CCDC169: variants seen among roughly 807,000 people sequenced by gnomAD.
The protein encoded by CCDC169 is coiled-coil domain containing 169.
In CCDC169, 30 loss-of-function variants were observed where a neutral mutation model predicts 36.0. The observed-to-expected ratio is 0.83, with a 90% CI of 0.62 to 1.13. The LOEUF (loss-of-function observed/expected upper bound fraction) is 1.13, where lower values mean the gene tolerates loss of function less well. CCDC169 is among the 50% of genes most tolerant of loss of function. CCDC169 has a pLI of 0.00. For missense variants in CCDC169, 245 were observed against 245.9 expected (o/e 1.00, Z 0.03); for synonymous variants, 85 against 81.5 (o/e 1.04, Z -0.23).
chr13:36,294,626 G>A lies in CCDC169; in HGVS notation c.163+1152C>T, dbSNP rs562055208. Among the ~76,000 whole-genome samples the A allele has an allele frequency of 1.1e-4, 16 of 152,232 alleles. No homozygotes were observed. The South Asian group carries it at 1.7e-3, about 16-fold the overall frequency. ...CCCCTCAGACACCAAGTTAAAGAAG[G>A]TAAGGCTTTATTCGGCCGGGAGCAT... is the stretch of plus-strand genomic sequence containing the variant. On this transcript the variant is annotated intron_variant, in intron 2 of 7. Coordinates refer to ENST00000239859, the MANE Select transcript of CCDC169 (RefSeq NM_001144981.3).
At chr13:36,296,828 G>A (rs1199007887) in intron 1 of CCDC169, among the ~76,000 whole-genome samples, 1 of 152,192 alleles carries the variant, frequency 6.6e-6, no homozygotes, top group Non-Finnish European at 1.5e-5. Flanking sequence ...TTGTATACCA[G>A]TCTTAGAGCT....
chr13:36,231,956 C>A (rs1300342322), intron 7 of CCDC169, among the ~76,000 whole-genome samples: 2 of 152,076 alleles, frequency 1.3e-5, no homozygotes, highest in African/African-American at 4.8e-5. Flanking sequence ...GGATAAAATT[C>A]TCTCCTCCAT....
At chr13:36,243,317 T>G (rs1872086969) in intron 7 of CCDC169, among the ~76,000 whole-genome samples, 1 of 151,800 alleles carries the variant, frequency 6.6e-6, no homozygotes, top group Admixed American at 6.6e-5. Flanking sequence ...CTGGCCAACA[T>G]GGCGAAACCC....
intron 4 of CCDC169, among the ~76,000 whole-genome samples, chr13:36,265,477 A>T (rs9575707): frequency 0.25 from 38,755 of 152,148 alleles, 5,223 homozygotes; most frequent in East Asian, 0.49. Context: ...GTAGCTGCAA[A>T]TGAGGCTACT....
intron 2 of CCDC169, among the ~76,000 whole-genome samples, chr13:36,288,133 C>T (rs1295565452): frequency 6.6e-6 from 1 of 152,014 alleles, no homozygotes; most frequent in Non-Finnish European, 1.5e-5. Context: ...CTCAGCCTCC[C>T]GAGTAGCTGG....
At position 36,285,618 on chromosome 13, in the gene CCDC169, G is replaced by GATAGATACATACATAC. The variant is rs751327575; in HGVS notation, c.164-1917_164-1916insGTATGTATGTATCTAT. ...AGATAGATAGATAGATAGATAGATA[G>GATAGATACATACATAC]ATACATAGATACATAGATACATAGA... On this transcript the variant is annotated intron_variant, in intron 2 of 7. Transcript: ENST00000239859. 4.2e-3 allele frequency among the ~76,000 whole-genome samples: 561 copies of GATAGATACATACATAC among 133,588 alleles called. 5 individuals carry two copies. The highest frequency in any genetic ancestry group is 0.015 in the African/African-American group (534 of 34,580). The allele number at this position is 133,588 out of a possible 152,430, so 87.6% of individuals were successfully genotyped here.
At chr13:36,240,231 C>T (rs191092836) in intron 7 of CCDC169, among the ~76,000 whole-genome samples, 29 of 151,952 alleles carry the variant, frequency 1.9e-4, no homozygotes, top group Non-Finnish European at 3.4e-4. Flanking sequence ...CATAGTCTAT[C>T]TGGACTATCT....
At position 36,276,352 on chromosome 13, in the gene CCDC169, A is replaced by T. The variant is rs150742777; in HGVS notation, c.315+7117T>A. On this transcript the variant is annotated intron_variant, in intron 4 of 7. Transcript: ENST00000239859. Reference sequence around the variant, plus strand: ...ACAAACATTTATTAAAATGTTACTAAATAAAATTATATTCATTAGAACATA... The same window carrying T: ...ACAAACATTTATTAAAATGTTACTATATAAAATTATATTCATTAGAACATA... 3.5e-4 allele frequency among the ~76,000 whole-genome samples: 53 copies of T among 152,336 alleles called. No homozygotes were observed. In the East Asian group the frequency reaches 0.01, roughly 29 times the overall value.
At chr13:36,226,458 C>A (rs1869881493), downstream of CCDC169, 1 of 152,228 alleles carries the variant, frequency 6.6e-6, no homozygotes, top group Non-Finnish European at 1.5e-5. Flanking sequence ...AATGCTGCTG[C>A]TGATCTGACA....
chr13:36,223,427 G>A (rs994350155), downstream of CCDC169: 3 of 152,148 alleles, frequency 2.0e-5, no homozygotes, highest in African/African-American at 7.2e-5. Flanking sequence ...CTGTAGCTGA[G>A]TTGGCAAATT....
chr13:36,257,819 A>G (rs1428206102), intron 4 of CCDC169, among the ~76,000 whole-genome samples: 1 of 151,798 alleles, frequency 6.6e-6, no homozygotes, highest in African/African-American at 2.4e-5. Flanking sequence ...AGTATACACT[A>G]AGGGCTCAGT....
intron 4 of CCDC169, among the ~76,000 whole-genome samples, chr13:36,255,002 T>C (rs1873673736): frequency 6.6e-6 from 1 of 152,110 alleles, no homozygotes; most frequent in African/African-American, 2.4e-5. Flanking sequence ...GCCTCACAGT[T>C]AGCTGGCTTC....
At chr13:36,274,419 A>T (rs991510206) in intron 4 of CCDC169, 1 of 152,158 alleles carries the variant, frequency 6.6e-6, no homozygotes, top group East Asian at 1.9e-4. Flanking sequence ...CTCTCATTCC[A>T]TCACTTCCAA....
chr13:36,253,666 C>A, intron 6 of CCDC169, 137 bp downstream of exon 6: 1 of 1,006,826 alleles, frequency 9.9e-7, no homozygotes. Flanking sequence ...TGTATATTTT[C>A]CTGTCTACCC....
Position 36,231,276 on chromosome 13 carries a change from C to A in CCDC169, c.562G>T (p.Ala188Ser). The A allele has an allele frequency of 6.4e-7, 1 of 1,551,296 alleles. No individual in the cohort carries two copies. Among genetic ancestry groups the A allele is most frequent in the Non-Finnish European group, 8.7e-7 (1 of 1,146,806 alleles). The change falls in exon 8 of 8, where the codon GCT (alanine) becomes TCT (serine). Residue 188 changes from alanine (A) to serine (S), a missense_variant. By Grantham distance (99) the Ala-to-Ser change is moderately conservative (BLOSUM62 1). Coordinates refer to ENST00000239859, the MANE Select transcript of CCDC169 (RefSeq NM_001144981.3). ...NLVKTGRYNP[A>S]KQKTVSAKRG... Reference sequence around the variant, plus strand: ...TTGGCACTCACTGTCTTCTGCTTAGCTGGATTATATCTTCCACTGAAATAA... The same window carrying A: ...TTGGCACTCACTGTCTTCTGCTTAGATGGATTATATCTTCCACTGAAATAA...
chr13:36,228,625 T>G (rs545720403), downstream of CCDC169, among the ~76,000 whole-genome samples: 1 of 152,300 alleles, frequency 6.6e-6, no homozygotes, highest in Admixed American at 6.5e-5. Flanking sequence ...AGTGGCTCAT[T>G]GCAGCCTCAA....
At chr13:36,292,051 C>A (rs182329566) in intron 2 of CCDC169, among the ~76,000 whole-genome samples, 158 of 149,172 alleles carry the variant, frequency 1.1e-3, no homozygotes, top group African/African-American at 3.7e-3. Context: ...TGCAATGGTG[C>A]AATCTTTGCT....
rs762711678 is a variant in CCDC169, at chr13:36,283,699, C to T, written c.167G>A (p.Ser56Asn). The change falls in exon 3 of 8, where the codon AGT (serine) becomes AAT (asparagine). Residue 56 changes from serine (S) to asparagine (N), a missense_variant. Coordinates refer to ENST00000239859, the MANE Select transcript of CCDC169 (RefSeq NM_001144981.3). ...EAKLNTDNEG[S>N]EWKTRYETQL... ...TGTCTCATAACGGGTTTTCCATTCA[C>T]TACCTGAGTAAAAACAGGGAGAAAC... 6.5e-7 allele frequency: 1 copy of T among 1,549,196 alleles called. No homozygotes were observed. Among genetic ancestry groups the T allele is most frequent in the South Asian group, 1.2e-5 (1 of 83,982 alleles).
intron 7 of CCDC169, among the ~76,000 whole-genome samples, chr13:36,245,097 T>C (rs1052478125): frequency 2.0e-5 from 3 of 152,194 alleles, no homozygotes; most frequent in African/African-American, 7.2e-5. Flanking sequence ...TTGACCTATA[T>C]ATAAAAAGGA....
Sources: allele counts gnomAD v4.1 joint callset (sites outside exome capture counted in the v4.1 genomes callset), GRCh38; gene constraint gnomAD v4.1.1; transcripts MANE v1.5; gene names NCBI Gene and HGNC (gene_info 2026-07-23, HGNC 2026-07-21).